Variants in SDK1 observed in about 807,000 individuals in gnomAD.
SDK1 encodes the protein sidekick cell adhesion molecule 1, also known as protein sidekick-1.
A neutral mutation model predicts 245.5 loss-of-function variants in SDK1; 157 were observed. That is an observed-to-expected ratio of 0.64 (90% CI 0.56 to 0.73). The LOEUF is 0.73. Among genes scored for constraint, SDK1 ranks in the 30% least tolerant of loss-of-function variants. SDK1 has a pLI of 0.00. For synonymous variants in SDK1, 1,647 were observed against 1,278.5 expected, an observed-to-expected ratio of 1.29 and a Z score of -6.15; for missense variants, 3,583 against 3,002.3, an observed-to-expected ratio of 1.19 and a Z score of -4.52.
At chr7:3,381,216 C>T (rs529206146) in intron 1 of SDK1, among the ~76,000 whole-genome samples, 59 of 152,058 alleles carry the variant, frequency 3.9e-4, no homozygotes, top group East Asian at 7.7e-4. Flanking sequence ...GAACCAAGAA[C>T]GAGGGGCAAG....
intron 1 of SDK1, among the ~76,000 whole-genome samples, chr7:3,459,526 T>C (rs895192877): frequency 6.6e-6 from 1 of 152,206 alleles, no homozygotes; most frequent in Non-Finnish European, 1.5e-5. Context: ...GCTTTTGCCT[T>C]ATAGTTGAAG....
chr7:3,573,159 C>G (rs1303544218), intron 1 of SDK1, among the ~76,000 whole-genome samples: 2 of 152,010 alleles, frequency 1.3e-5, no homozygotes, highest in African/African-American at 4.8e-5. Flanking sequence ...AAATGGGGTG[C>G]TTATCTGATG....
At chr7:3,588,787 A>T (rs1304428795) in intron 1 of SDK1, among the ~76,000 whole-genome samples, 1 of 152,234 alleles carries the variant, frequency 6.6e-6, no homozygotes, top group East Asian at 1.9e-4. Context: ...AATTGATAAA[A>T]GTGTAAAGCT....
intron 1 of SDK1, among the ~76,000 whole-genome samples, chr7:3,556,176 C>G (rs114411559): frequency 2.5e-3 from 376 of 152,184 alleles, no homozygotes; most frequent in African/African-American, 8.6e-3. Flanking sequence ...AAGTGTTCTT[C>G]AGCAGATGAA....
intron 1 of SDK1, among the ~76,000 whole-genome samples, chr7:3,543,343 C>T (rs570442033): frequency 4.7e-4 from 71 of 152,384 alleles, no homozygotes; most frequent in African/African-American, 1.6e-3. Context: ...CGATCACTAT[C>T]TGTTGCAAGT....
chr7:4,112,590 C>T lies in SDK1; in HGVS notation c.3435-699C>T, dbSNP rs1004822939. ...CATAGCTACTTGCACTTTAACCCCT[C>T]GAGGTTATCCTAAACTTGAATCAGG... is the stretch of plus-strand genomic sequence containing the variant. On this transcript the variant is annotated intron_variant, in intron 23 of 44. Coordinates refer to ENST00000404826, the MANE Select transcript of SDK1 (RefSeq NM_152744.4). Among the ~76,000 whole-genome samples, 15 of 152,192 alleles carry T rather than the reference C, an allele frequency of 9.9e-5. 1 individual carries two copies. The highest frequency in any genetic ancestry group is 7.8e-4 in the Admixed American group (12 of 15,294).
At chr7:3,723,799 T>C (rs1778904124) in intron 4 of SDK1, among the ~76,000 whole-genome samples, 2 of 150,622 alleles carry the variant, frequency 1.3e-5, no homozygotes, top group Non-Finnish European at 3.0e-5. Flanking sequence ...CTTATACATA[T>C]ACACGTGTAT....
chr7:4,173,230 A>G (rs1781965158), intron 32 of SDK1, among the ~76,000 whole-genome samples: 1 of 152,178 alleles, frequency 6.6e-6, no homozygotes, highest in Non-Finnish European at 1.5e-5. Context: ...TCATCTGAGT[A>G]TCCCAAGAAG....
chr7:3,378,405 T>G (rs1471504450), intron 1 of SDK1, among the ~76,000 whole-genome samples: 1 of 152,228 alleles, frequency 6.6e-6, no homozygotes, highest in Non-Finnish European at 1.5e-5. Context: ...GATGACCTGT[T>G]CTTTTTTCTG....
chr7:4,047,372 A>T (rs1256352905), intron 17 of SDK1, among the ~76,000 whole-genome samples: 2 of 151,674 alleles, frequency 1.3e-5, no homozygotes, highest in Non-Finnish European at 2.9e-5. Context: ...TATGACTGTT[A>T]TATATTGTTG....
At chr7:3,445,648 T>G (rs1284169176) in intron 1 of SDK1, among the ~76,000 whole-genome samples, 1 of 152,180 alleles carries the variant, frequency 6.6e-6, no homozygotes. Flanking sequence ...GTACAATGTA[T>G]ATGTGTGGTT....
At chr7:3,329,635 T>A (rs1780019844) in intron 1 of SDK1, among the ~76,000 whole-genome samples, 1 of 152,170 alleles carries the variant, frequency 6.6e-6, no homozygotes, top group African/African-American at 2.4e-5. Flanking sequence ...GGATGTCATT[T>A]TTGACTGGCT....
chr7:4,204,185 T>C (rs140187048), intron 35 of SDK1, among the ~76,000 whole-genome samples: 1 of 152,384 alleles, frequency 6.6e-6, no homozygotes, highest in Non-Finnish European at 1.5e-5. Flanking sequence ...TGTACAACAG[T>C]AATTTTGCAA....
chr7:3,848,341 T>C (rs938880426), intron 5 of SDK1, among the ~76,000 whole-genome samples: 7 of 152,214 alleles, frequency 4.6e-5, no homozygotes, highest in Admixed American at 1.3e-4. Flanking sequence ...TTATCGGAAC[T>C]CTCCAAGCAT....
intron 4 of SDK1, among the ~76,000 whole-genome samples, chr7:3,794,732 T>A (rs1258326378): frequency 6.6e-6 from 1 of 152,156 alleles, no homozygotes; most frequent in Non-Finnish European, 1.5e-5. Context: ...AGATATACAT[T>A]CACTTTCTGT....
At chr7:3,901,881 A>G (rs2128105628) in intron 5 of SDK1, among the ~76,000 whole-genome samples, 1 of 152,274 alleles carries the variant, frequency 6.6e-6, no homozygotes, top group Non-Finnish European at 1.5e-5. Flanking sequence ...TGAATATGTT[A>G]TAATATCCCG....
chr7:3,980,360 C>T (rs1032590982), intron 13 of SDK1, among the ~76,000 whole-genome samples: 2 of 152,166 alleles, frequency 1.3e-5, no homozygotes, highest in African/African-American at 4.8e-5. Context: ...TGGTTTTCCC[C>T]CTATTCTCTT....
chr7:4,076,710 A>G (rs1780703403), intron 20 of SDK1, among the ~76,000 whole-genome samples: 1 of 152,192 alleles, frequency 6.6e-6, no homozygotes, highest in Non-Finnish European at 1.5e-5. Flanking sequence ...TGAGGTTACC[A>G]GAGCATCCCA....
intron 1 of SDK1, among the ~76,000 whole-genome samples, chr7:3,388,303 T>A (rs73296340): frequency 0.054 from 8,140 of 151,510 alleles, 626 homozygotes; most frequent in African/African-American, 0.17. Flanking sequence ...GTCTAAACCA[T>A]ACCTATGGAA....
Sources: gnomAD v4.1 joint callset for allele counts (sites outside exome capture counted in the v4.1 genomes callset) on GRCh38, gnomAD v4.1.1 for gene constraint, MANE v1.5 for transcripts, NCBI Gene and HGNC (gene_info 2026-07-23, HGNC 2026-07-21) for gene names.